The following MIR2052HG variants were observed in gnomAD, a reference collection of about 807,000 sequenced individuals.
MIR2052HG encodes MIR2052 host gene.
At chr8:74,722,081 T>C (rs568839722) in intron 4 of MIR2052HG, among the ~76,000 whole-genome samples, 3 of 152,120 alleles carry the variant, frequency 2.0e-5, no homozygotes, top group Non-Finnish European at 4.4e-5. Context: ...TCCTAGCTAC[T>C]TGGGAGGATC....
chr8:74,623,170 G>T (rs1374297060), intron 2 of MIR2052HG, among the ~76,000 whole-genome samples: 1 of 152,126 alleles, frequency 6.6e-6, no homozygotes, highest in Admixed American at 6.5e-5. Context: ...AGATAAGAAT[G>T]GTAGGTGATT....
Position 74,714,288 on chromosome 8 carries a change from T to A in MIR2052HG, n.371+10606T>A, listed in dbSNP as rs1282944456. ...ATGAGCTTGGGTGGTCCTTAACACA[T>A]TTCCATGAATCAGAAATTATATTTG... On this transcript the variant is annotated intron_variant and non_coding_transcript_variant, in intron 4 of 6. Coordinates refer to ENST00000523442, the Ensembl canonical transcript of MIR2052HG. Among the ~76,000 whole-genome samples, 4 of 152,182 alleles carry A rather than the reference T, an allele frequency of 2.6e-5. No homozygotes were observed. In the East Asian group the frequency reaches 7.7e-4, roughly 29 times the overall value.
chr8:74,755,398 G>A (rs1187172760), intron 5 of MIR2052HG, among the ~76,000 whole-genome samples: 1 of 152,212 alleles, frequency 6.6e-6, no homozygotes. Context: ...TTTCAGTTGA[G>A]AAGATTTATT....
intron 1 of MIR2052HG, chr8:74,603,811 G>T (rs1347304909): frequency 6.0e-6 from 5 of 836,520 alleles, no homozygotes; most frequent in Non-Finnish European, 6.4e-6. Flanking sequence ...AATAGTGATG[G>T]CCTGCTCAGT....
At chr8:74,600,037 C>T (rs1303643052) in intron 1 of MIR2052HG, 2 of 153,314 alleles carry the variant, frequency 1.3e-5, no homozygotes, top group African/African-American at 4.8e-5. Context: ...AGGGAACTCC[C>T]TGACCCCTTG....
intron 2 of MIR2052HG, among the ~76,000 whole-genome samples, chr8:74,635,838 G>A (rs1808575701): frequency 6.6e-6 from 1 of 152,062 alleles, no homozygotes. Flanking sequence ...TTTATTTGAG[G>A]CAATATAAAA....
intron 4 of MIR2052HG, among the ~76,000 whole-genome samples, chr8:74,748,596 C>CA (rs1809911429): frequency 1.3e-5 from 2 of 152,178 alleles, no homozygotes; most frequent in African/African-American, 4.8e-5. Flanking sequence ...CAAGGTGCTG[C>CA]ATTCCAGTCC....
chr8:74,708,710 C>A (rs899840789), intron 4 of MIR2052HG, among the ~76,000 whole-genome samples: 3 of 150,196 alleles, frequency 2.0e-5, no homozygotes, highest in African/African-American at 7.3e-5. Flanking sequence ...TATGTATATG[C>A]AATGTGTTAG....
intron 2 of MIR2052HG, among the ~76,000 whole-genome samples, chr8:74,643,968 C>T (rs1043018724): frequency 1.3e-5 from 2 of 152,168 alleles, no homozygotes; most frequent in Admixed American, 6.5e-5. Flanking sequence ...TGGTGGTAAG[C>T]TTCTTTCTTA....
At chr8:74,606,944 C>T (rs1004663253) in intron 1 of MIR2052HG, among the ~76,000 whole-genome samples, 17 of 151,560 alleles carry the variant, frequency 1.1e-4, no homozygotes, top group African/African-American at 3.6e-4. Flanking sequence ...ACCCTCAATC[C>T]TAAAGGCAAA....
At chr8:74,644,189 G>A (rs1157660775) in intron 2 of MIR2052HG, among the ~76,000 whole-genome samples, 1 of 152,128 alleles carries the variant, frequency 6.6e-6, no homozygotes, top group Non-Finnish European at 1.5e-5. Flanking sequence ...TGCATTTTTA[G>A]GAAGAACAAA....
chr8:74,660,579 T>A (rs891922007), intron 2 of MIR2052HG, among the ~76,000 whole-genome samples: 3 of 152,210 alleles, frequency 2.0e-5, no homozygotes, highest in African/African-American at 4.8e-5. Context: ...AAAATATTAC[T>A]TGTTTCTCTT....
chr8:74,603,954 T>C (rs879097561), intron 1 of MIR2052HG: 13 of 995,222 alleles, frequency 1.3e-5, no homozygotes, highest in South Asian at 5.1e-5. Context: ...TCAGGGTGAC[T>C]GGGGGTCTAG....
intron 4 of MIR2052HG, among the ~76,000 whole-genome samples, chr8:74,740,342 T>A (rs1028658134): frequency 3.9e-5 from 6 of 152,082 alleles, no homozygotes; most frequent in African/African-American, 1.4e-4. Context: ...CATGCTCCTA[T>A]AATCCCAGCT....
intron 4 of MIR2052HG, among the ~76,000 whole-genome samples, chr8:74,709,537 A>T (rs551953083): frequency 1.9e-4 from 29 of 152,028 alleles, no homozygotes; most frequent in Admixed American, 1.9e-3. Flanking sequence ...CTGTTTCAGA[A>T]TTTTTTTTCA....
intron 4 of MIR2052HG, among the ~76,000 whole-genome samples, chr8:74,736,666 G>A (rs1198090902): frequency 6.6e-6 from 1 of 152,228 alleles, no homozygotes; most frequent in African/African-American, 2.4e-5. Context: ...TGTTCTAAGT[G>A]TGAGTGTGTC....
chr8:74,602,823 T>TTCTTTC (rs1808027470), intron 1 of MIR2052HG, among the ~76,000 whole-genome samples: 1 of 124,446 alleles, frequency 8.0e-6, no homozygotes, highest in Non-Finnish European at 1.7e-5. Flanking sequence ...CCGTGTTTCT[T>TTCTTTC]TCTTTCTTTC....
intron 2 of MIR2052HG, among the ~76,000 whole-genome samples, chr8:74,640,759 A>C (rs1438131600): frequency 6.6e-6 from 1 of 151,496 alleles, no homozygotes; most frequent in Non-Finnish European, 1.5e-5. Flanking sequence ...TTTTTAATTC[A>C]GCCAGAGTTA....
At chr8:74,643,790 T>C (rs1808664670) in intron 2 of MIR2052HG, among the ~76,000 whole-genome samples, 1 of 152,178 alleles carries the variant, frequency 6.6e-6, no homozygotes, top group African/African-American at 2.4e-5. Flanking sequence ...CAATATATAA[T>C]ACAGTTGAGC....
Sources: gnomAD v4.1 joint callset for allele counts (sites outside exome capture counted in the v4.1 genomes callset) on GRCh38, gnomAD v4.1.1 for gene constraint, MANE v1.5 for transcripts, NCBI Gene and HGNC (gene_info 2026-07-23, HGNC 2026-07-21) for gene names.